TMEM132B: variants seen among roughly 807,000 people sequenced by gnomAD.
TMEM132B encodes transmembrane protein 132B.
In TMEM132B, 18 loss-of-function variants were observed where a neutral mutation model predicts 90.8. The ratio of observed to expected loss-of-function variants is 0.20; its 90% CI spans 0.14 to 0.29. TMEM132B has a LOEUF of 0.29. TMEM132B is among the 10% of genes least tolerant of loss of function. TMEM132B has a pLI of 1.00. For synonymous variants in TMEM132B, 504 were observed against 523.3 expected, an observed-to-expected ratio of 0.96 and a Z score of 0.50; for missense variants, 1,096 against 1,326.8, an observed-to-expected ratio of 0.83 and a Z score of 2.70.
chr12:125,578,161 T>A (rs972886156), intron 4 of TMEM132B, among the ~76,000 whole-genome samples: 3 of 152,154 alleles, frequency 2.0e-5, no homozygotes, highest in African/African-American at 7.2e-5. Context: ...CTTGTTGATC[T>A]TATGACTAGT....
At chr12:125,291,724 A>G (rs1261811457) in intron 1 of TMEM132B, among the ~76,000 whole-genome samples, 2 of 152,186 alleles carry the variant, frequency 1.3e-5, no homozygotes, top group African/African-American at 2.4e-5. Flanking sequence ...ATGTGTCTGG[A>G]CTTCTGACCT....
At chr12:125,229,918 A>G (rs1378229173) in intron 1 of TMEM132B, among the ~76,000 whole-genome samples, 2 of 152,250 alleles carry the variant, frequency 1.3e-5, no homozygotes, top group African/African-American at 2.4e-5. Context: ...GGTCTCCCTA[A>G]GGGCATGTGC....
chr12:125,508,277 G>A (rs1241690015), intron 3 of TMEM132B, among the ~76,000 whole-genome samples: 3 of 152,184 alleles, frequency 2.0e-5, no homozygotes, highest in African/African-American at 7.2e-5. Context: ...TTCTGATCTA[G>A]TGTTCTGCAG....
At chr12:125,348,581 T>G (rs1877446492) in intron 1 of TMEM132B, among the ~76,000 whole-genome samples, 1 of 151,712 alleles carries the variant, frequency 6.6e-6, no homozygotes. Flanking sequence ...GTGACCCACC[T>G]GCCTTGGCTT....
At chr12:125,263,667 G>A (rs1222434812) in intron 1 of TMEM132B, among the ~76,000 whole-genome samples, 1 of 152,178 alleles carries the variant, frequency 6.6e-6, no homozygotes, top group Non-Finnish European at 1.5e-5. Context: ...TTTGAGGTTG[G>A]TGTGTATCTG....
chr12:125,560,391 A>C (rs10846918), intron 4 of TMEM132B, among the ~76,000 whole-genome samples: 144,881 of 152,256 alleles, frequency 0.95, 68,978 homozygotes, highest in African/African-American at 0.98. Context: ...TAAGTCATTC[A>C]GTCCTGTTCT....
At chr12:125,240,795 G>A (rs1312663847) in intron 1 of TMEM132B, among the ~76,000 whole-genome samples, 1 of 152,182 alleles carries the variant, frequency 6.6e-6, no homozygotes, top group Admixed American at 6.5e-5. Flanking sequence ...GTGTGATTAC[G>A]GACTCTGTGG....
At chr12:125,258,638 G>A (rs1469769432) in intron 1 of TMEM132B, among the ~76,000 whole-genome samples, 35 of 152,092 alleles carry the variant, frequency 2.3e-4, no homozygotes, top group Admixed American at 2.2e-3. Context: ...GTCCTCATAA[G>A]CCCACCCAGA....
intron 2 of TMEM132B, among the ~76,000 whole-genome samples, chr12:125,400,815 T>A (rs1879297384): frequency 6.6e-6 from 1 of 152,230 alleles, no homozygotes. Context: ...GCTGGGCTTA[T>A]CTCAGAAAGG....
chr12:125,428,473 A>G (rs1880399037), intron 3 of TMEM132B, among the ~76,000 whole-genome samples: 1 of 151,882 alleles, frequency 6.6e-6, no homozygotes, highest in Admixed American at 6.6e-5. Flanking sequence ...ATATCATATT[A>G]TATCATTATT....
chr12:125,632,660 T>A (rs11615427), intron 5 of TMEM132B, among the ~76,000 whole-genome samples: 188 of 152,264 alleles, frequency 1.2e-3, no homozygotes, highest in Non-Finnish European at 2.0e-3. Context: ...GGCCAAGATG[T>A]ACTATTCTAG....
chr12:125,313,837 A>C (rs1011110001), intron 1 of TMEM132B, among the ~76,000 whole-genome samples: 13 of 149,750 alleles, frequency 8.7e-5, no homozygotes, highest in African/African-American at 3.0e-4. Flanking sequence ...TGAAATTCTT[A>C]ATACTTTTTG....
In TMEM132B at chr12:125,515,170, C is replaced by A. The variant is rs114633433; in HGVS notation, c.1107-4269C>A. 3.6e-3 allele frequency among the ~76,000 whole-genome samples: 542 copies of A among 151,880 alleles called. 4 individuals carry two copies. The highest frequency in any genetic ancestry group is 0.012 in the African/African-American group (492 of 41,274). ...AACACATATGTTCGCACATTCTCTC[C>A]CACACTCACACACGCATTCTCTCTC... On this transcript the variant is annotated intron_variant, in intron 3 of 8. Transcript: ENST00000682704.
rs762702841 is a variant in TMEM132B, at chr12:125,654,594, A to G, written c.3136A>G (p.Thr1046Ala). The change falls in exon 9 of 9, where the codon ACC (threonine) becomes GCC (alanine). Residue 1046 changes from threonine to alanine, a missense_variant. By Grantham distance (58) the Thr-to-Ala change is moderately conservative (BLOSUM62 0). Transcript: ENST00000682704. The surrounding 1 kb of genome is among the most constrained non-coding windows in gnomAD (Gnocchi z 5.8). ...TILPEDGGPYTNSILFDSDDN... is the reference protein window; with the variant it reads ...TILPEDGGPYANSILFDSDDN... ...CCTCCCAGAGGACGGCGGCCCATACACCAACTCCATCCTGTTTGACAGCGA... is the reference window on the plus strand; with the variant it reads ...CCTCCCAGAGGACGGCGGCCCATACGCCAACTCCATCCTGTTTGACAGCGA... The G allele has an allele frequency of 3.1e-6, 5 of 1,614,138 alleles. No homozygotes were observed. Among genetic ancestry groups the G allele is most frequent in the South Asian group, 1.1e-5 (1 of 91,074 alleles).
At chr12:125,519,045 T>G (rs1205725489) in intron 3 of TMEM132B, among the ~76,000 whole-genome samples, 1 of 152,118 alleles carries the variant, frequency 6.6e-6, no homozygotes, top group Non-Finnish European at 1.5e-5. Context: ...AGGGTGTGCT[T>G]TGTGATTGGA....
rs184027161 is a variant in TMEM132B at position 125,474,643 on chromosome 12, G to A, written c.1107-44796G>A. Among the ~76,000 whole-genome samples, 238 of 152,280 alleles carry A rather than the reference G, an allele frequency of 1.6e-3. 1 individual carries two copies. The highest frequency in any genetic ancestry group is 2.9e-3 in the Non-Finnish European group (194 of 68,010). On this transcript the variant is annotated intron_variant, in intron 3 of 8. Coordinates refer to ENST00000682704, the MANE Select transcript of TMEM132B (RefSeq NM_001366854.1). ...TGCTAATCTCTAGTGTTCCAGGCCA[G>A]ATTCTCTTGATGGCAACAGAAAAAT...
intron 3 of TMEM132B, among the ~76,000 whole-genome samples, chr12:125,517,347 T>G (rs1383353618): frequency 0.024 from 1,884 of 80,148 alleles, 327 homozygotes; most frequent in African/African-American, 0.08. Flanking sequence ...TTTTTTTTTT[T>G]TTTTTTTTTT....
intron 5 of TMEM132B, among the ~76,000 whole-genome samples, chr12:125,624,298 A>G (rs554336711): frequency 2.2e-4 from 33 of 152,328 alleles, no homozygotes; most frequent in African/African-American, 7.7e-4. Context: ...TGAGGGGCAG[A>G]GAGGGGCTCC....
chr12:125,296,478 A>G (rs1593073719), intron 1 of TMEM132B, among the ~76,000 whole-genome samples: 2 of 151,900 alleles, frequency 1.3e-5, no homozygotes, highest in Admixed American at 1.3e-4. Flanking sequence ...GCCTTCCCGG[A>G]CCTCTCTGCT....
Sources: allele counts gnomAD v4.1 joint callset (sites outside exome capture counted in the v4.1 genomes callset), GRCh38; gene constraint gnomAD v4.1.1; non-coding constraint Gnocchi (gnomAD v3.1); transcripts MANE v1.5; gene names NCBI Gene and HGNC (gene_info 2026-07-23, HGNC 2026-07-21).